The following ESRRB variants were observed in gnomAD, a reference collection of about 807,000 sequenced individuals.
The protein encoded by ESRRB is estrogen related receptor beta.
In ESRRB, 16 loss-of-function variants were observed where a neutral mutation model predicts 46.0. That is an observed-to-expected ratio of 0.35 (90% CI 0.24 to 0.53). The LOEUF (loss-of-function observed/expected upper bound fraction) is 0.53, where lower values mean the gene tolerates loss of function less well. Among genes scored for constraint, ESRRB ranks in the 20% least tolerant of loss-of-function variants. The pLI, the probability that ESRRB is intolerant of heterozygous loss-of-function variation, is 0.93. For synonymous variants in ESRRB, 246 were observed against 259.6 expected (o/e 0.95, Z 0.50); for missense variants, 488 against 607.4 (o/e 0.80, Z 2.07).
rs986059505 is a variant in ESRRB, at chr14:76,410,178, C to T, written c.51-29163C>T. Among the ~76,000 whole-genome samples the T allele has an allele frequency of 3.3e-5, 5 of 152,162 alleles. No homozygotes were observed. The East Asian group carries it at 9.6e-4, about 29-fold the overall frequency. On this transcript the variant is annotated intron_variant, in intron 1 of 6. Transcript: ENST00000644823. ...GGTGGAGGTTGCAGTGAGCTGAGTT[C>T]ATGCCACTGCACTCCAGCCTGGGCG... is the stretch of plus-strand genomic sequence containing the variant.
intron 5 of ESRRB, among the ~76,000 whole-genome samples, chr14:76,485,098 G>T (rs1340720703): frequency 6.6e-6 from 1 of 152,058 alleles, no homozygotes; most frequent in Non-Finnish European, 1.5e-5. Context: ...ATGCTAATTT[G>T]CCTATTTTGC....
In ESRRB at chr14:76,482,894, C is replaced by T. The variant is rs1232290177; in HGVS notation, c.850+135C>T. 3.1e-5 allele frequency: 30 copies of T among 976,856 alleles called. No homozygotes were observed. Among genetic ancestry groups the T allele is most frequent in the Non-Finnish European group, 4.3e-5 (27 of 631,300 alleles). The allele number at this position is 976,856 out of a possible 1,614,324, so 60.5% of individuals were successfully genotyped here. A position where few individuals can be genotyped will look rare whatever the true frequency, so the allele number is the denominator to read the frequency against. Reference sequence around the variant, plus strand: ...CTGTGAAATCCTGGCAGGCCTGTTTCTCTGAGCTCCTCTTCTCTCCTTGTA... The same window carrying T: ...CTGTGAAATCCTGGCAGGCCTGTTTTTCTGAGCTCCTCTTCTCTCCTTGTA... On this transcript the variant is annotated intron_variant, in intron 5 of 6. Transcript: ENST00000644823. The surrounding 1 kb of genome is among the most constrained non-coding windows in gnomAD (Gnocchi z 4.3).
At chr14:76,333,805 C>T (rs1277947676) in intron 1 of ESRRB, among the ~76,000 whole-genome samples, 4 of 152,092 alleles carry the variant, frequency 2.6e-5, no homozygotes, top group Non-Finnish European at 5.9e-5. Context: ...TTATTTTACA[C>T]TTCCAGTACT....
chr14:76,315,642 C>T (rs1414159597), intron 1 of ESRRB, among the ~76,000 whole-genome samples: 2 of 152,182 alleles, frequency 1.3e-5, no homozygotes, highest in Non-Finnish European at 2.9e-5. Context: ...TTGTTCAGCA[C>T]GGAGCACTCG....
chr14:76,439,980 T>C (rs1413898766), intron 2 of ESRRB, among the ~76,000 whole-genome samples: 7 of 151,944 alleles, frequency 4.6e-5, no homozygotes, highest in Non-Finnish European at 7.4e-5. Context: ...AGCTCCCCCA[T>C]GCACAGCCCC....
intron 2 of ESRRB, among the ~76,000 whole-genome samples, chr14:76,457,961 C>T (rs1888681676): frequency 6.6e-6 from 1 of 152,136 alleles, no homozygotes; most frequent in Admixed American, 6.5e-5. Context: ...AAGTGTGAGC[C>T]ACTGCGCCTG....
intron 1 of ESRRB, among the ~76,000 whole-genome samples, chr14:76,403,152 C>T (rs1886014460): frequency 6.6e-6 from 1 of 152,216 alleles, no homozygotes; most frequent in Admixed American, 6.5e-5. Context: ...GTGCTAAGTG[C>T]TTTGTATGCA....
intron 1 of ESRRB, among the ~76,000 whole-genome samples, chr14:76,425,900 C>T (rs1367675033): frequency 6.6e-6 from 1 of 152,190 alleles, no homozygotes; most frequent in Admixed American, 6.5e-5. Flanking sequence ...ATTTTGGGAG[C>T]CTCAGCCTCC....
At chr14:76,370,833 T>A (rs1884606164), upstream of ESRRB, among the ~76,000 whole-genome samples, 1 of 152,168 alleles carries the variant, frequency 6.6e-6, no homozygotes, top group African/African-American at 2.4e-5. Flanking sequence ...GCAGCTACCA[T>A]CTTGTATAGG....
At chr14:76,354,231 C>CCG (rs1555390245) in intron 1 of ESRRB, among the ~76,000 whole-genome samples, 2 of 102,230 alleles carry the variant, frequency 2.0e-5, no homozygotes, top group Admixed American at 1.8e-4. Context: ...CCCGCCCCCC[C>CCG]CCCCACCCAC....
intron 1 of ESRRB, chr14:76,407,615 G>T: frequency 1.0e-6 from 1 of 985,228 alleles, no homozygotes; most frequent in Non-Finnish European, 1.2e-6. Flanking sequence ...GGTCCAGTCG[G>T]GCCAGCAGGG....
intron 3 of ESRRB, among the ~76,000 whole-genome samples, chr14:76,465,989 T>C (rs949131744): frequency 3.3e-5 from 5 of 152,318 alleles, no homozygotes; most frequent in Middle Eastern, 3.4e-3. Flanking sequence ...AGGTGGGGGC[T>C]CTTGGCAGCT....
chr14:76,333,964 C>G (rs1300580002), intron 1 of ESRRB, among the ~76,000 whole-genome samples: 1 of 152,044 alleles, frequency 6.6e-6, no homozygotes, highest in East Asian at 1.9e-4. Context: ...CTGAATTGCT[C>G]TGTGCCTTAG....
chr14:76,497,466 C>G (rs1232029561), intron 6 of ESRRB, among the ~76,000 whole-genome samples: 1 of 152,152 alleles, frequency 6.6e-6, no homozygotes, highest in African/African-American at 2.4e-5. Flanking sequence ...CAGGTGCCTC[C>G]CTGCCGTGCT....
At chr14:76,366,003 C>T (rs1396620214) in intron 1 of ESRRB, among the ~76,000 whole-genome samples, 1 of 152,182 alleles carries the variant, frequency 6.6e-6, no homozygotes, top group African/African-American at 2.4e-5. Flanking sequence ...AACTCAAGAG[C>T]CATTCCTGCC....
At chr14:76,498,122 G>C in intron 6 of ESRRB, 92 bp from the exon 7 acceptor site, 2 of 1,462,216 alleles carry the variant, frequency 1.4e-6, no homozygotes, top group African/African-American at 1.4e-5. Context: ...ACCCCTGCCT[G>C]CCTCCATGCT....
At chr14:76,355,389 T>A (rs1884367849) in intron 1 of ESRRB, among the ~76,000 whole-genome samples, 1 of 152,066 alleles carries the variant, frequency 6.6e-6, no homozygotes, top group Non-Finnish European at 1.5e-5. Context: ...TCCACATGGT[T>A]CCCAACTTTC....
upstream of ESRRB, among the ~76,000 whole-genome samples, chr14:76,371,742 T>C (rs1360730564): frequency 6.6e-6 from 1 of 152,192 alleles, no homozygotes; most frequent in Admixed American, 6.5e-5. Flanking sequence ...TGTGGCAGAT[T>C]CTCCAAAAAT....
At chr14:76,381,749 G>A (rs1360810575) in intron 1 of ESRRB, among the ~76,000 whole-genome samples, 1 of 152,108 alleles carries the variant, frequency 6.6e-6, no homozygotes, top group African/African-American at 2.4e-5. Flanking sequence ...GCTGGCTCCT[G>A]GACTCTGAGC....
Sources: gnomAD v4.1 joint callset for allele counts (sites outside exome capture counted in the v4.1 genomes callset) on GRCh38, gnomAD v4.1.1 for gene constraint, Gnocchi (gnomAD v3.1) non-coding constraint, MANE v1.5 for transcripts, NCBI Gene and HGNC (gene_info 2026-07-23, HGNC 2026-07-21) for gene names.